Variants in LGSN observed in about 807,000 individuals in gnomAD.
The protein encoded by LGSN is lengsin, lens protein with glutamine synthetase domain, also known as lengsin.
Under a neutral mutation model 19.5 loss-of-function variants are expected in LGSN, and 21 were observed. The observed-to-expected ratio is 1.07, with a 90% CI of 0.76 to 1.55. The LOEUF is 1.55. LGSN is among the 40% of genes most tolerant of loss of function. The pLI is 0.00. For synonymous variants in LGSN, 257 were observed against 215.6 expected (o/e 1.19, Z -1.68); for missense variants, 673 against 608.5 (o/e 1.11, Z -1.12).
At chr6:63,359,145 G>T in the LGSN span, among the ~76,000 whole-genome samples, 5 of 152,120 alleles carry the variant, frequency 3.3e-5, no homozygotes, top group African/African-American at 1.2e-4. Context: ...TTATTGATTT[G>T]CATATGTTGA....
the LGSN span, among the ~76,000 whole-genome samples, chr6:63,409,377 A>G: frequency 2.6e-5 from 4 of 152,218 alleles, no homozygotes; most frequent in Admixed American, 2.6e-4. Flanking sequence ...AGTTTTACAT[A>G]TATCTAAACT....
chr6:63,475,893 G>C, the LGSN span, among the ~76,000 whole-genome samples: 9 of 152,292 alleles, frequency 5.9e-5, no homozygotes, highest in African/African-American at 1.4e-4. Flanking sequence ...GCAGGCCCAA[G>C]GAGTGCTAAA....
chr6:63,433,841 T>C, the LGSN span, among the ~76,000 whole-genome samples: 1 of 152,210 alleles, frequency 6.6e-6, no homozygotes, highest in African/African-American at 2.4e-5. Context: ...TCTCTAATAT[T>C]TAAACAGTTT....
chr6:63,396,001 T>C, the LGSN span: 1 of 153,562 alleles, frequency 6.5e-6, no homozygotes, highest in Non-Finnish European at 1.5e-5. Flanking sequence ...GATGACTTCT[T>C]GGTTAGCCTC....
At chr6:63,365,711 C>G in the LGSN span, among the ~76,000 whole-genome samples, 1 of 152,146 alleles carries the variant, frequency 6.6e-6, no homozygotes, top group Non-Finnish European at 1.5e-5. Flanking sequence ...AAACTGAATC[C>G]AGCAGCACAT....
At chr6:63,531,759 G>A in the LGSN span, among the ~76,000 whole-genome samples, 3 of 151,836 alleles carry the variant, frequency 2.0e-5, no homozygotes, top group South Asian at 4.2e-4. Context: ...CCAAAGTGCT[G>A]TGATTACAGG....
the LGSN span, chr6:63,396,741 C>A: frequency 1.3e-5 from 2 of 152,754 alleles, no homozygotes; most frequent in Admixed American, 6.6e-5. Context: ...GGGGCTGAGG[C>A]TTGTTGGAAG....
At chr6:63,362,325 C>T in the LGSN span, among the ~76,000 whole-genome samples, 2 of 152,208 alleles carry the variant, frequency 1.3e-5, no homozygotes, top group East Asian at 3.9e-4. Flanking sequence ...TTCTGCATTT[C>T]CAACTGAGGT....
At chr6:63,454,282 CTT>C in the LGSN span, among the ~76,000 whole-genome samples, 1 of 152,016 alleles carries the variant, frequency 6.6e-6, no homozygotes, top group Non-Finnish European at 1.5e-5. Context: ...GATTGAAACA[CTT>C]TTAATTTCCT....
chr6:63,409,963 G>A, the LGSN span, among the ~76,000 whole-genome samples: 1 of 152,158 alleles, frequency 6.6e-6, no homozygotes, highest in African/African-American at 2.4e-5. Context: ...CTTGAACACA[G>A]GAGGCGGAGG....
At chr6:63,348,742 T>TTTC in the LGSN span, among the ~76,000 whole-genome samples, 1 of 122,790 alleles carries the variant, frequency 8.1e-6, no homozygotes, top group African/African-American at 3.0e-5. Context: ...AGATTTTTAC[T>TTTC]TTTTTTTTTT....
intron 2 of LGSN, among the ~76,000 whole-genome samples, chr6:63,288,148 G>A (rs374272162): frequency 6.6e-6 from 1 of 151,796 alleles, no homozygotes; most frequent in South Asian, 2.1e-4. Flanking sequence ...AGCCTGGGAG[G>A]TGGAAGTTGC....
the LGSN span, among the ~76,000 whole-genome samples, chr6:63,560,369 A>G: frequency 6.6e-6 from 1 of 151,236 alleles, no homozygotes; most frequent in Non-Finnish European, 1.5e-5. Flanking sequence ...AAAGAAAGAA[A>G]AGAAGTGAAA....
the LGSN span, among the ~76,000 whole-genome samples, chr6:63,472,776 T>TA: frequency 6.6e-6 from 1 of 151,480 alleles, no homozygotes; most frequent in East Asian, 2.0e-4. Flanking sequence ...CTGTCTCTAC[T>TA]AAAAATACAA....
At chr6:63,533,518 A>G in the LGSN span, among the ~76,000 whole-genome samples, 3 of 152,240 alleles carry the variant, frequency 2.0e-5, no homozygotes, top group Admixed American at 1.3e-4. Flanking sequence ...ATTCACAGTG[A>G]GTTTGCTCAA....
chr6:63,434,455 A>AAG, the LGSN span, among the ~76,000 whole-genome samples: 3 of 147,832 alleles, frequency 2.0e-5, no homozygotes, highest in African/African-American at 7.5e-5. Flanking sequence ...AAAAAAAAAA[A>AAG]AAGAAGAAGT....
At chr6:63,356,906 G>A in the LGSN span, among the ~76,000 whole-genome samples, 1 of 151,866 alleles carries the variant, frequency 6.6e-6, no homozygotes, top group South Asian at 2.1e-4. Context: ...ATATATACAT[G>A]TGCCATGTTG....
chr6:63,464,957 C>T, the LGSN span, among the ~76,000 whole-genome samples: 12 of 143,552 alleles, frequency 8.4e-5, no homozygotes, highest in African/African-American at 1.3e-4. Flanking sequence ...ACCTGGGATG[C>T]GGAGGTTGCA....
At chr6:63,390,594 C>T in the LGSN span, among the ~76,000 whole-genome samples, 16 of 151,634 alleles carry the variant, frequency 1.1e-4, no homozygotes, top group South Asian at 2.1e-3. Context: ...CGGTGGCTCA[C>T]GCCTGTAATC....
Sources: gnomAD v4.1 joint callset for allele counts (sites outside exome capture counted in the v4.1 genomes callset) on GRCh38, gnomAD v4.1.1 for gene constraint, MANE v1.5 for transcripts, NCBI Gene and HGNC (gene_info 2026-07-23, HGNC 2026-07-21) for gene names.